SLC1A2: variants seen among roughly 807,000 people sequenced by gnomAD.
The protein encoded by SLC1A2 is solute carrier family 1 member 2, also known as excitatory amino acid transporter 2.
SLC1A2 carries 15 observed loss-of-function variants against 48.8 expected under a neutral mutation model. The observed-to-expected ratio is 0.31, with a 90% CI of 0.21 to 0.47. The LOEUF (loss-of-function observed/expected upper bound fraction) is 0.47, where lower values mean the gene tolerates loss of function less well. SLC1A2 is among the 20% of genes least tolerant of loss of function. The pLI is 0.99. For missense variants in SLC1A2, 502 were observed against 730.5 expected (o/e 0.69, Z 3.61); for synonymous variants, 279 against 272.6 (o/e 1.02, Z -0.23).
chr11:35,311,897 G>GAGAGAGAGA (rs1565233384), intron 4 of SLC1A2, among the ~76,000 whole-genome samples: 5 of 25,722 alleles, frequency 1.9e-4, no homozygotes, highest in Non-Finnish European at 2.8e-4. Context: ...AGAGAGGGAG[G>GAGAGAGAGA]GAGAGAGAGA....
chr11:35,266,394 G>C (rs1469385657), intron 9 of SLC1A2, among the ~76,000 whole-genome samples: 1 of 151,880 alleles, frequency 6.6e-6, no homozygotes, highest in Non-Finnish European at 1.5e-5. Flanking sequence ...ATGACTACTT[G>C]TCCTGAAAAA....
chr11:35,351,186 G>T (rs1590217468), intron 1 of SLC1A2, among the ~76,000 whole-genome samples: 2 of 152,224 alleles, frequency 1.3e-5, no homozygotes, highest in Non-Finnish European at 2.9e-5. Flanking sequence ...AGGTTTAGAG[G>T]ATTAGGTAGG....
chr11:35,392,740 T>C lies in SLC1A2; in HGVS notation c.17+26210A>G, dbSNP rs143093234. ...TCCTCCTCCCAGTATCTGTTCAGGCTTGGCACCCTTAGGACCTCCCCTTCT... is the reference window on the plus strand; with the variant it reads ...TCCTCCTCCCAGTATCTGTTCAGGCCTGGCACCCTTAGGACCTCCCCTTCT... On this transcript the variant is annotated intron_variant, in intron 1 of 10. Coordinates refer to ENST00000278379, the MANE Select transcript of SLC1A2 (RefSeq NM_004171.4). Among the ~76,000 whole-genome samples the C allele has an allele frequency of 2.3e-3, 357 of 152,266 alleles. 1 individual carries two copies. Among genetic ancestry groups the C allele is most frequent in the African/African-American group, 7.9e-3 (327 of 41,548 alleles).
At chr11:35,294,099 C>G (rs1166627166) in intron 6 of SLC1A2, among the ~76,000 whole-genome samples, 1 of 152,166 alleles carries the variant, frequency 6.6e-6, no homozygotes, top group African/African-American at 2.4e-5. Flanking sequence ...CACATGTACC[C>G]CATGTCCTCT....
intron 1 of SLC1A2, among the ~76,000 whole-genome samples, chr11:35,323,935 G>C (rs932934935): frequency 6.6e-6 from 1 of 152,160 alleles, no homozygotes; most frequent in South Asian, 2.1e-4. Context: ...ACATGGGCAG[G>C]TCAATGCCTT....
At chr11:35,293,990 T>C (rs1851091153) in intron 6 of SLC1A2, among the ~76,000 whole-genome samples, 1 of 152,146 alleles carries the variant, frequency 6.6e-6, no homozygotes, top group South Asian at 2.1e-4. Flanking sequence ...TTTTTGAGCA[T>C]GCATATATGT....
intron 9 of SLC1A2, among the ~76,000 whole-genome samples, chr11:35,278,285 T>G (rs979800623): frequency 1.3e-5 from 2 of 149,236 alleles, no homozygotes; most frequent in Admixed American, 6.7e-5. Flanking sequence ...TTTTTTTTTT[T>G]TTTTTTTTAG....
At chr11:35,331,806 T>G (rs1262563064) in intron 1 of SLC1A2, among the ~76,000 whole-genome samples, 2 of 152,218 alleles carry the variant, frequency 1.3e-5, no homozygotes, top group Non-Finnish European at 2.9e-5. Context: ...CCAATCTACT[T>G]TTCATGCCTC....
At chr11:35,333,041 C>T (rs998480547) in intron 1 of SLC1A2, among the ~76,000 whole-genome samples, 1 of 152,110 alleles carries the variant, frequency 6.6e-6, no homozygotes, top group Non-Finnish European at 1.5e-5. Context: ...GGTCTCATTC[C>T]CCATCCGCAC....
chr11:35,349,207 A>AGGT (rs1853152007), intron 1 of SLC1A2, among the ~76,000 whole-genome samples: 2 of 152,196 alleles, frequency 1.3e-5, no homozygotes, highest in Admixed American at 1.3e-4. Flanking sequence ...GCCTGCATTG[A>AGGT]GGTGTGGACG....
intron 8 of SLC1A2, among the ~76,000 whole-genome samples, chr11:35,282,499 A>G (rs904410472): frequency 1.3e-5 from 2 of 151,816 alleles, no homozygotes; most frequent in Non-Finnish European, 2.9e-5. Context: ...GCACATTGCA[A>G]CTCCCCCACC....
At chr11:35,341,414 G>A (rs534855202) in intron 1 of SLC1A2, among the ~76,000 whole-genome samples, 16 of 152,126 alleles carry the variant, frequency 1.1e-4, no homozygotes, top group Non-Finnish European at 2.1e-4. Flanking sequence ...TCGTATTCAC[G>A]AAAATGTTTA....
At chr11:35,327,401 C>T (rs1445524733) in intron 1 of SLC1A2, among the ~76,000 whole-genome samples, 1 of 152,176 alleles carries the variant, frequency 6.6e-6, no homozygotes, top group Non-Finnish European at 1.5e-5. Flanking sequence ...ACACCTTATA[C>T]TTTGGGAACA....
intron 1 of SLC1A2, among the ~76,000 whole-genome samples, chr11:35,363,388 A>G (rs1286246922): frequency 6.6e-6 from 1 of 152,098 alleles, no homozygotes; most frequent in South Asian, 2.1e-4. Flanking sequence ...GGACACAGCT[A>G]AAGTTGCTAC....
At chr11:35,312,866 G>T (rs918369612) in intron 3 of SLC1A2, among the ~76,000 whole-genome samples, 5 of 152,018 alleles carry the variant, frequency 3.3e-5, no homozygotes, top group African/African-American at 1.2e-4. Context: ...CAGATATGCA[G>T]GGCCGACTGT....
At chr11:35,272,755 G>A (rs1240803900) in intron 9 of SLC1A2, among the ~76,000 whole-genome samples, 3 of 152,224 alleles carry the variant, frequency 2.0e-5, no homozygotes, top group South Asian at 4.1e-4. Flanking sequence ...GACGCTGTGT[G>A]TCAGGACTGC....
At chr11:35,338,721 T>C (rs1852726628) in intron 1 of SLC1A2, among the ~76,000 whole-genome samples, 1 of 152,198 alleles carries the variant, frequency 6.6e-6, no homozygotes, top group South Asian at 2.1e-4. Context: ...TAAAGTTATC[T>C]CTAGACTCTT....
chr11:35,396,104 CT>C (rs1428134951), intron 1 of SLC1A2, among the ~76,000 whole-genome samples: 1 of 136,248 alleles, frequency 7.3e-6, no homozygotes, highest in Non-Finnish European at 1.5e-5. Flanking sequence ...GGTTCCAAGT[CT>C]TTGCTATTGT....
chr11:35,284,110 T>TATATATATATATATATATATATATAA lies in SLC1A2; in HGVS notation c.1286+2646_1286+2647insTTATATATATATATATATATATATAT, dbSNP rs539270363. On this transcript the variant is annotated intron_variant, in intron 8 of 10. Coordinates refer to ENST00000278379, the MANE Select transcript of SLC1A2 (RefSeq NM_004171.4). ...TATTATATATATATATATATATATA[T>TATATATATATATATATATATATATAA]AAATTATTATTTTGCAACCCAACAG... Among the ~76,000 whole-genome samples the TATATATATATATATATATATATATAA allele has an allele frequency of 3.3e-3, 469 of 140,702 alleles. 7 individuals are homozygous for TATATATATATATATATATATATATAA. The highest frequency in any genetic ancestry group is 0.012 in the African/African-American group (439 of 35,878). The allele number at this position is 140,702 out of a possible 152,430, so 92.3% of individuals were successfully genotyped here.
Sources: allele counts gnomAD v4.1 joint callset (sites outside exome capture counted in the v4.1 genomes callset), GRCh38; gene constraint gnomAD v4.1.1; transcripts MANE v1.5; gene names NCBI Gene and HGNC (gene_info 2026-07-23, HGNC 2026-07-21).